NCOA1: variants seen among roughly 807,000 people sequenced by gnomAD.
NCOA1 encodes the protein Hin-2 protein.
NCOA1 carries 35 observed loss-of-function variants against 150.9 expected under a neutral mutation model. The observed-to-expected ratio is 0.23, with a 90% CI of 0.18 to 0.31. The LOEUF (loss-of-function observed/expected upper bound fraction) is 0.31, where lower values mean the gene tolerates loss of function less well. NCOA1 is among the 10% of genes least tolerant of loss of function. The pLI, the probability that NCOA1 is intolerant of heterozygous loss-of-function variation, is 1.00. For synonymous variants in NCOA1, 590 were observed against 630.0 expected, an observed-to-expected ratio of 0.94 and a Z score of 0.95; for missense variants, 1,491 against 1,749.3, an observed-to-expected ratio of 0.85 and a Z score of 2.63.
chr2:24,651,239 CT>C (rs1303212862), intron 4 of NCOA1, among the ~76,000 whole-genome samples: 2 of 152,096 alleles, frequency 1.3e-5, no homozygotes, highest in Non-Finnish European at 2.9e-5. Flanking sequence ...GCTCATAAAG[CT>C]GTCTGCACTC....
intron 4 of NCOA1, among the ~76,000 whole-genome samples, chr2:24,652,881 G>A (rs1459676195): frequency 6.6e-6 from 1 of 152,076 alleles, no homozygotes; most frequent in Admixed American, 6.6e-5. Flanking sequence ...CCCTGACTGC[G>A]AAATACAAAG....
intron 10 of NCOA1, among the ~76,000 whole-genome samples, chr2:24,697,429 T>C (rs1456682387): frequency 6.6e-6 from 1 of 152,294 alleles, no homozygotes; most frequent in East Asian, 1.9e-4. Flanking sequence ...TAGACCAGAA[T>C]TGAATTTTAG....
chr2:24,548,765 G>A (rs1481076871), intron 1 of NCOA1, among the ~76,000 whole-genome samples: 1 of 152,158 alleles, frequency 6.6e-6, no homozygotes, highest in African/African-American at 2.4e-5. Flanking sequence ...GATCTCCTTT[G>A]ACTCCATGTC....
chr2:24,725,923 T>C (rs972111423), intron 14 of NCOA1, among the ~76,000 whole-genome samples: 2 of 152,150 alleles, frequency 1.3e-5, no homozygotes, highest in African/African-American at 4.8e-5. Flanking sequence ...AGGTTATTTA[T>C]AAATTTTTTT....
intron 3 of NCOA1, among the ~76,000 whole-genome samples, chr2:24,623,465 C>T (rs1032736989): frequency 2.0e-5 from 3 of 152,144 alleles, no homozygotes; most frequent in Non-Finnish European, 4.4e-5. Flanking sequence ...GGCTCCAGAT[C>T]TCTGTCTTTG....
At chr2:24,718,647 C>T (rs1674180116) in intron 14 of NCOA1, among the ~76,000 whole-genome samples, 1 of 149,020 alleles carries the variant, frequency 6.7e-6, no homozygotes, top group Admixed American at 6.7e-5. Context: ...GTCTGGCCAA[C>T]ATGGTGAAAC....
At chr2:24,668,684 A>G (rs570668434) in intron 6 of NCOA1, among the ~76,000 whole-genome samples, 1 of 152,282 alleles carries the variant, frequency 6.6e-6, no homozygotes, top group African/African-American at 2.4e-5. Context: ...AAACCATGGA[A>G]TCTTAACACA....
intron 15 of NCOA1, among the ~76,000 whole-genome samples, chr2:24,727,956 A>G (rs1438011206): frequency 1.3e-5 from 2 of 152,230 alleles, no homozygotes; most frequent in African/African-American, 4.8e-5. Flanking sequence ...AAATCTGAAT[A>G]TAGGCTAAAT....
intron 22 of NCOA1, among the ~76,000 whole-genome samples, chr2:24,766,308 T>C (rs2148707534): frequency 6.6e-6 from 1 of 152,364 alleles, no homozygotes; most frequent in Middle Eastern, 3.4e-3. Flanking sequence ...AAACATCTTA[T>C]GCTCTGCCCC....
chr2:24,636,256 C>A (rs992655496), intron 3 of NCOA1, among the ~76,000 whole-genome samples: 3 of 152,046 alleles, frequency 2.0e-5, no homozygotes, highest in African/African-American at 7.2e-5. Flanking sequence ...TTTTTTAGAT[C>A]TCTTTTTGTG....
At chr2:24,493,797 C>G (rs538337745) in intron 1 of NCOA1, among the ~76,000 whole-genome samples, 64 of 152,298 alleles carry the variant, frequency 4.2e-4, no homozygotes, top group African/African-American at 1.4e-3. Context: ...TTGCTTATGC[C>G]AGGAAGCTGT....
chr2:24,550,402 A>C (rs1288739575), intron 1 of NCOA1, among the ~76,000 whole-genome samples: 1 of 152,220 alleles, frequency 6.6e-6, no homozygotes, highest in African/African-American at 2.4e-5. Flanking sequence ...GGGAGACCTC[A>C]CAATTATGGC....
intron 1 of NCOA1, among the ~76,000 whole-genome samples, chr2:24,562,694 A>G (rs1666336557): frequency 6.6e-6 from 1 of 152,148 alleles, no homozygotes; most frequent in Non-Finnish European, 1.5e-5. Context: ...TGGTTGTGTG[A>G]TTTTTCTCTA....
intron 20 of NCOA1, among the ~76,000 whole-genome samples, chr2:24,755,097 C>G (rs1376156020): frequency 3.3e-5 from 5 of 152,162 alleles, no homozygotes; most frequent in Non-Finnish European, 7.3e-5. Flanking sequence ...ACACAAGATA[C>G]CATGAGGAAC....
chr2:24,682,996 G>A lies in NCOA1; in HGVS notation c.400G>A (p.Val134Ile). Residue 134 changes from valine (V) to isoleucine (I), a missense_variant, in exon 8 of 23, where the codon GTA becomes ATA. Around this residue, in one of 8 missense-constraint regions of NCOA1, gnomAD observed 80 missense variants for 163.0 expected, o/e 0.49. Coordinates refer to ENST00000348332, the MANE Select transcript of NCOA1 (RefSeq NM_003743.5). Reference sequence around the variant, plus strand: ...TGTTGTGAACTGTGAAGGGAGAATTGTATTTGTGTCAGAGAATGTAACCAG... The same window carrying A: ...TGTTGTGAACTGTGAAGGGAGAATTATATTTGTGTCAGAGAATGTAACCAG... ...FFVVNCEGRI[V>I]FVSENVTSYL... 2 of 1,606,900 alleles carry A rather than the reference G, an allele frequency of 1.2e-6. No homozygotes were observed. Among genetic ancestry groups the A allele is most frequent in the Non-Finnish European group, 8.5e-7 (1 of 1,177,436 alleles).
intron 3 of NCOA1, among the ~76,000 whole-genome samples, chr2:24,637,226 T>G (rs1245485985): frequency 3.5e-5 from 3 of 86,560 alleles, no homozygotes; most frequent in African/African-American, 4.6e-5. Flanking sequence ...ATGCTATCCC[T>G]CCCCCCTCCC....
intron 3 of NCOA1, among the ~76,000 whole-genome samples, chr2:24,632,330 G>C (rs982350619): frequency 6.6e-6 from 1 of 152,136 alleles, no homozygotes; most frequent in Non-Finnish European, 1.5e-5. Context: ...TGTAACTCTG[G>C]AAGTTAAGAA....
intron 3 of NCOA1, among the ~76,000 whole-genome samples, chr2:24,630,032 A>G (rs1012214117): frequency 4.6e-5 from 7 of 151,776 alleles, no homozygotes; most frequent in Middle Eastern, 3.4e-3. Context: ...TTTTTAGTAG[A>G]AACGGGGTTT....
At chr2:24,537,174 A>C (rs550247934) in intron 1 of NCOA1, among the ~76,000 whole-genome samples, 1 of 152,164 alleles carries the variant, frequency 6.6e-6, no homozygotes, top group East Asian at 1.9e-4. Context: ...TAGTCACAAT[A>C]GTCAAGATAC....
Sources: allele counts gnomAD v4.1 joint callset (sites outside exome capture counted in the v4.1 genomes callset), GRCh38; gene constraint gnomAD v4.1.1; regional missense constraint gnomAD v4.1.1; transcripts MANE v1.5; gene names NCBI Gene and HGNC (gene_info 2026-07-23, HGNC 2026-07-21).